ANGEL1: variants seen among roughly 807,000 people sequenced by gnomAD.
ANGEL1 encodes RNA 2',3'-cyclic phosphatase ANGEL1.
A neutral mutation model predicts 76.4 loss-of-function variants in ANGEL1; 62 were observed. The ratio of observed to expected loss-of-function variants is 0.81; its 90% CI spans 0.66 to 1.00. ANGEL1 has a LOEUF of 1.00. Ranked by LOEUF, ANGEL1 falls within the 50% of genes least tolerant of loss-of-function variation. The probability of loss-of-function intolerance (pLI) is 0.00; values close to 1 mark genes in which losing one functional copy is unlikely to be tolerated. For synonymous variants in ANGEL1, 340 were observed against 331.7 expected, an observed-to-expected ratio of 1.03 and a Z score of -0.27; for missense variants, 737 against 836.7, an observed-to-expected ratio of 0.88 and a Z score of 1.47.
At chr14:76,805,972 A>G (rs1252705999) in intron 5 of ANGEL1, among the ~76,000 whole-genome samples, 1 of 152,262 alleles carries the variant, frequency 6.6e-6, no homozygotes, top group Admixed American at 6.5e-5. Context: ...GCACACACTT[A>G]AGTGCTTAAC....
At chr14:76,812,663 A>C in intron 1 of ANGEL1, 101 bp downstream of exon 1, 1 of 1,379,296 alleles carries the variant, frequency 7.3e-7, no homozygotes. Context: ...GGGGCACGGT[A>C]GTCGTGAGGC....
In ANGEL1 at chr14:76,808,157, G is replaced by A; in HGVS notation, c.650-9C>T. On this transcript the variant is annotated splice_polypyrimidine_tract_variant and intron_variant, in intron 2 of 9. Coordinates refer to ENST00000251089, the MANE Select transcript of ANGEL1 (RefSeq NM_015305.4). The stretch of plus-strand genomic sequence containing the variant: ...TTCTCGCCACAAAATTTCTGCAAAG[G>A]ATTGGGAGAAGCACTCAATGGCAAG... The A allele has an allele frequency of 6.2e-7, 1 of 1,612,088 alleles. No individual in the cohort carries two copies. Among genetic ancestry groups the A allele is most frequent in the South Asian group, 1.1e-5 (1 of 90,744 alleles).
rs1169618105 is a variant in ANGEL1 at position 76,809,133 on chromosome 14, T to C, written c.575A>G (p.Gln192Arg). Residue 192 changes from glutamine to arginine, a missense_variant, in exon 2 of 10, where the codon CAG becomes CGG. Transcript: ENST00000251089. ...AWSIAPEPVP[Q>R]EEASIWPFEG... ...AAAGGGCCAGATGGAAGCCTCTTCCTGGGGCACAGGCTCAGGTGCTATGCT... is the reference window on the plus strand; with the variant it reads ...AAAGGGCCAGATGGAAGCCTCTTCCCGGGGCACAGGCTCAGGTGCTATGCT... 3.1e-6 allele frequency: 5 copies of C among 1,614,214 alleles called. No homozygotes were observed. Among genetic ancestry groups the C allele is most frequent in the Non-Finnish European group, 3.4e-6 (4 of 1,180,012 alleles).
intron 1 of ANGEL1, among the ~76,000 whole-genome samples, chr14:76,810,718 G>A (rs1018820804): frequency 1.3e-5 from 2 of 152,098 alleles, no homozygotes; most frequent in Admixed American, 6.5e-5. Context: ...GCCAACAATC[G>A]ACAGTAAGAG....
At position 76,812,786 on chromosome 14, in the gene ANGEL1, C is replaced by T. The variant is rs188862894; in HGVS notation, c.42G>A (p.Thr14=). ...TACCTGAGAGGGCGCGGAAGAGGCG[C>T]GTGGCCGGCAGCAGCAGGTAACACA... ...SCLCYLLLPA[T]RLFRALSDAF... is the part of the protein sequence containing the mutation. The change falls in exon 1 of 10, where the codon ACG becomes ACA. Residue 14 remains threonine (T), a synonymous_variant. Transcript: ENST00000251089. 38 of 1,522,238 alleles carry T rather than the reference C, an allele frequency of 2.5e-5. No homozygotes were observed. The African/African-American group carries it at 4.5e-4, about 18-fold the overall frequency. 94.3% of individuals were successfully genotyped at this position (1,522,238 alleles called of 1,614,324 possible).
chr14:76,812,508 CT>C (rs1216636525), intron 1 of ANGEL1: 5 of 1,241,790 alleles, frequency 4.0e-6, no homozygotes, highest in Non-Finnish European at 5.0e-6. Flanking sequence ...TCCTCTCCAC[CT>C]TAACCGCGGC....
chr14:76,812,746 G>T lies in ANGEL1; in HGVS notation c.64+18C>A. 6.6e-7 allele frequency: 1 copy of T among 1,509,510 alleles called. No homozygotes were observed. The highest frequency in any genetic ancestry group is 8.8e-7 in the Non-Finnish European group (1 of 1,133,650). The allele number at this position is 1,509,510 out of a possible 1,614,324, so 93.5% of individuals were successfully genotyped here. ...AGCCCTGGCCGGGCTCCTGTCTGTC[G>T]GTACGCCTGGCCGGTACCTGAGAGG... On this transcript the variant is annotated intron_variant, in intron 1 of 9. Coordinates refer to ENST00000251089, the MANE Select transcript of ANGEL1 (RefSeq NM_015305.4).
chr14:76,811,526 CG>C lies in ANGEL1; in HGVS notation c.64+1237del, dbSNP rs1555361966. Among the ~76,000 whole-genome samples the C allele has an allele frequency of 3.9e-3, 17 of 4,368 alleles. 1 individual carries two copies. Among genetic ancestry groups the C allele is most frequent in the Middle Eastern group, 0.25 (1 of 4 alleles). 2.9% of individuals were successfully genotyped at this position (4,368 alleles called of 152,430 possible). On this transcript the variant is annotated intron_variant, in intron 1 of 9. Coordinates refer to ENST00000251089, the MANE Select transcript of ANGEL1 (RefSeq NM_015305.4). ...CTACTGTAATGTGTAGGTGGGGGGG[CG>C]GGGGGGGCCCTCCTCTGAGATCCCT...
At position 76,790,659 on chromosome 14, in the gene ANGEL1, C is replaced by A; in HGVS notation, c.1804G>T (p.Asp602Tyr). The stretch of plus-strand genomic sequence containing the variant: ...GACTCAGCTGAGAAGAAGATGTAAT[C>A]TACTGTCATTCCAAGACCCAATGGC... ...TMPLGLGMTV[D>Y]YIFFSAESCE... The change falls in exon 9 of 10, where the codon GAT (aspartate) becomes TAT (tyrosine). Residue 602 changes from aspartate (D) to tyrosine (Y), a missense_variant. Asp to Tyr is a radical substitution (Grantham distance 160). Coordinates refer to ENST00000251089, the MANE Select transcript of ANGEL1 (RefSeq NM_015305.4). 3 of 1,614,148 alleles carry A rather than the reference C, an allele frequency of 1.9e-6. No individual in the cohort carries two copies. Among genetic ancestry groups the A allele is most frequent in the Non-Finnish European group, 2.5e-6 (3 of 1,180,018 alleles).
intron 7 of ANGEL1, among the ~76,000 whole-genome samples, chr14:76,802,288 T>A (rs1894790334): frequency 6.6e-6 from 1 of 152,240 alleles, no homozygotes; most frequent in East Asian, 1.9e-4. Context: ...ACATTCTTTA[T>A]CTGCCTTTTA....
chr14:76,804,478 A>C (rs1376244781), intron 5 of ANGEL1: 6 of 983,866 alleles, frequency 6.1e-6, no homozygotes, highest in East Asian at 1.1e-4. Context: ...GCACATCTCC[A>C]ACGTGTGTAG....
At chr14:76,803,287 G>A in intron 7 of ANGEL1, 84 bp downstream of exon 7, 1 of 1,116,456 alleles carries the variant, frequency 9.0e-7, no homozygotes, top group East Asian at 2.4e-5. Flanking sequence ...ATTATACTTA[G>A]AAAAGAGCAG....
intron 8 of ANGEL1, among the ~76,000 whole-genome samples, 154 bp from the exon 9 acceptor site, chr14:76,790,928 G>A (rs1263765876): frequency 1.3e-5 from 2 of 152,140 alleles, no homozygotes; most frequent in African/African-American, 4.8e-5. Flanking sequence ...GGGGCTGGCA[G>A]TCTTAGCTAA....
At chr14:76,794,496 C>T (rs2140212206) in intron 7 of ANGEL1, among the ~76,000 whole-genome samples, 1 of 151,934 alleles carries the variant, frequency 6.6e-6, no homozygotes, top group East Asian at 1.9e-4. Flanking sequence ...ACAGTGAAAC[C>T]CCGTCTCTAC....
At chr14:76,793,409 A>G (rs1286346049) in intron 7 of ANGEL1, among the ~76,000 whole-genome samples, 8 of 6,214 alleles carry the variant, frequency 1.3e-3, no homozygotes, top group South Asian at 7.2e-3. Context: ...AGAGGGGATA[A>G]AAGGAAAGAG....
chr14:76,790,067 G>A (rs1894358216), intron 9 of ANGEL1, among the ~76,000 whole-genome samples: 1 of 151,986 alleles, frequency 6.6e-6, no homozygotes, highest in Admixed American at 6.6e-5. Context: ...GTTTCATCAT[G>A]TGGCCAGGCT....
In ANGEL1 at chr14:76,806,655, C is replaced by T. The variant is rs779544495; in HGVS notation, c.1141G>A (p.Val381Ile). 1 of 1,614,094 alleles carries T rather than the reference C, an allele frequency of 6.2e-7. No homozygotes were observed. The highest frequency in any genetic ancestry group is 1.1e-5 in the South Asian group (1 of 91,074). Reference protein sequence around the residue: ...QPLVPEGLGQVSVAPLCVANT... With the variant: ...QPLVPEGLGQISVAPLCVANT... ...GCCACACACAGCGGGGCCACCGAGA[C>T]TTGTCCCAGGCCTTCTGGGACGAGT... is the stretch of plus-strand genomic sequence containing the variant. Residue 381 changes from valine (V) to isoleucine (I), a missense_variant, in exon 5 of 10, where the codon GTC becomes ATC. Physicochemically the swap from Val to Ile is conservative, Grantham distance 29. This residue lies in a region of ANGEL1 where 296 missense variants were observed against 387.2 expected (regional missense o/e 0.76). Transcript: ENST00000251089.
chr14:76,802,952 A>T (rs1894809466), intron 7 of ANGEL1, among the ~76,000 whole-genome samples: 1 of 152,176 alleles, frequency 6.6e-6, no homozygotes, highest in East Asian at 1.9e-4. Flanking sequence ...AGAAGGGGAG[A>T]ATGTCAAGTA....
chr14:76,794,764 CA>C (rs1203299972), intron 7 of ANGEL1, among the ~76,000 whole-genome samples: 22 of 50,836 alleles, frequency 4.3e-4, no homozygotes, highest in Non-Finnish European at 8.3e-4. Context: ...GTTGCTCTTA[CA>C]CAGTGTATTT....
Sources: gnomAD v4.1 joint callset for allele counts (sites outside exome capture counted in the v4.1 genomes callset) on GRCh38, gnomAD v4.1.1 for gene constraint, gnomAD v4.1.1 regional missense constraint, MANE v1.5 for transcripts, NCBI Gene and HGNC (gene_info 2026-07-23, HGNC 2026-07-21) for gene names.